Variants in FAM118B observed in about 807,000 individuals in gnomAD.
FAM118B encodes SIR2 antiphage like 1.
In FAM118B, 24 loss-of-function variants were observed where a neutral mutation model predicts 38.5. The observed-to-expected ratio is 0.62, with a 90% confidence interval of 0.45 to 0.88. FAM118B has a LOEUF of 0.88. Among genes scored for constraint, FAM118B ranks in the 40% least tolerant of loss-of-function variants. FAM118B has a pLI of 0.00. For missense variants in FAM118B, 334 were observed against 420.0 expected, an observed-to-expected ratio of 0.80 and a Z score of 1.79; for synonymous variants, 138 against 156.3, an observed-to-expected ratio of 0.88 and a Z score of 0.87.
chr11:126,228,188 A>G (rs1462676112), intron 1 of FAM118B, among the ~76,000 whole-genome samples: 1 of 151,660 alleles, frequency 6.6e-6, no homozygotes, highest in Non-Finnish European at 1.5e-5. Context: ...TGTATTTACT[A>G]AACATTTTTT....
At chr11:126,237,730 G>T (rs1489483041) in intron 3 of FAM118B, among the ~76,000 whole-genome samples, 2 of 145,946 alleles carry the variant, frequency 1.4e-5, no homozygotes, top group Non-Finnish European at 3.0e-5. Flanking sequence ...GGTGGCGCGT[G>T]CCTGTAATCC....
chr11:126,230,057 A>G (rs949141806), intron 2 of FAM118B, among the ~76,000 whole-genome samples: 2 of 152,222 alleles, frequency 1.3e-5, no homozygotes, highest in African/African-American at 4.8e-5. Flanking sequence ...TTAGGAGCCA[A>G]TCGAGTTCAC....
In FAM118B at chr11:126,253,871, TTG is replaced by T. The variant is rs1950538630; in HGVS notation, c.568-426_568-425del. The stretch of plus-strand genomic sequence containing the variant: ...GTGCCAACACTTTTCAAGCTTCTGC[TTG>T]TGTGTGTTTGCTAGTATCCCATTGG... On this transcript the variant is annotated intron_variant, in intron 5 of 8. Transcript: ENST00000533050. This position sits in a 1 kb window ranked among gnomAD's most constrained non-coding sequence, Gnocchi z 5.1. 6.6e-6 allele frequency among the ~76,000 whole-genome samples: 1 copy of T among 152,170 alleles called. No individual in the cohort carries two copies. Among genetic ancestry groups the T allele is most frequent in the Non-Finnish European group, 1.5e-5 (1 of 68,030 alleles).
At chr11:126,233,169 T>C (rs1387951015) in intron 2 of FAM118B, among the ~76,000 whole-genome samples, 1 of 152,168 alleles carries the variant, frequency 6.6e-6, no homozygotes, top group Non-Finnish European at 1.5e-5. Flanking sequence ...TTTTCAAGAA[T>C]ATATATACTT....
In FAM118B at chr11:126,219,072, T is replaced by C. The variant is rs1292252698; in HGVS notation, c.-77+7242T>C. ...GTATTTTCAGATCTGCATTTAAAGC[T>C]TGCTTTCCATCTCCAAAAATTCATT... is the stretch of plus-strand genomic sequence containing the variant. On this transcript the variant is annotated intron_variant, in intron 1 of 8. Transcript: ENST00000533050. Among the ~76,000 whole-genome samples the C allele has an allele frequency of 2.6e-5, 4 of 152,218 alleles. No homozygotes were observed. In the East Asian group the frequency reaches 7.7e-4, roughly 29 times the overall value.
chr11:126,216,331 G>A (rs772220871), intron 1 of FAM118B, among the ~76,000 whole-genome samples: 24 of 151,886 alleles, frequency 1.6e-4, no homozygotes, highest in Admixed American at 2.6e-4. Context: ...AGTCGAGGTC[G>A]CACCATTGCA....
intron 2 of FAM118B, among the ~76,000 whole-genome samples, chr11:126,230,453 T>TA (rs1487642468): frequency 6.6e-6 from 1 of 152,220 alleles, no homozygotes; most frequent in Non-Finnish European, 1.5e-5. Flanking sequence ...GAAATGAAGT[T>TA]AACCCTTTTC....
intron 2 of FAM118B, among the ~76,000 whole-genome samples, chr11:126,231,791 C>T (rs1373024063): frequency 3.3e-5 from 5 of 152,200 alleles, no homozygotes; most frequent in Non-Finnish European, 5.9e-5. Context: ...CCAGCAAAAA[C>T]GATCTTACGT....
chr11:126,236,611 A>G (rs1950277690), intron 3 of FAM118B, among the ~76,000 whole-genome samples: 2 of 152,330 alleles, frequency 1.3e-5, no homozygotes, highest in South Asian at 4.1e-4. Context: ...GCTGGCAACT[A>G]GTACCTTCAC....
At chr11:126,254,262 C>T (rs1028014331) in intron 5 of FAM118B, 43 bp from the exon 6 acceptor site, 37 of 1,598,764 alleles carry the variant, frequency 2.3e-5, no homozygotes, top group Non-Finnish European at 3.1e-5. Flanking sequence ...TAAACAGGTG[C>T]TCAGCCCTGC....
chr11:126,242,377 G>T (rs970635620), intron 4 of FAM118B, among the ~76,000 whole-genome samples: 1 of 152,082 alleles, frequency 6.6e-6, no homozygotes, highest in Non-Finnish European at 1.5e-5. Context: ...ACTGCTTGAG[G>T]GCATGAGTTC....
At chr11:126,223,950 A>C (rs1407834836) in intron 1 of FAM118B, among the ~76,000 whole-genome samples, 1 of 152,228 alleles carries the variant, frequency 6.6e-6, no homozygotes, top group African/African-American at 2.4e-5. Context: ...ATTTGTGTAC[A>C]CAGTTTTCCC....
chr11:126,214,503 G>GTTGTTTTTT (rs1949947804), intron 1 of FAM118B: 1 of 28,258 alleles, frequency 3.5e-5, no homozygotes, highest in Non-Finnish European at 7.5e-5. Flanking sequence ...TTTTTTTTTT[G>GTTGTTTTTT]TTTTTTTTTT....
At chr11:126,259,320 A>C (rs535012440) in intron 7 of FAM118B, among the ~76,000 whole-genome samples, 15 of 152,322 alleles carry the variant, frequency 9.8e-5, no homozygotes, top group Admixed American at 5.2e-4. Context: ...ATTGTCTTCA[A>C]AGGATTCTAT....
chr11:126,220,707 A>G (rs1264071666), intron 1 of FAM118B, among the ~76,000 whole-genome samples: 1 of 152,194 alleles, frequency 6.6e-6, no homozygotes, highest in Non-Finnish European at 1.5e-5. Context: ...TGTCTCAAAC[A>G]AAAAAGACTG....
intron 1 of FAM118B, among the ~76,000 whole-genome samples, chr11:126,223,239 G>A (rs535500947): frequency 1.2e-4 from 18 of 152,260 alleles, no homozygotes; most frequent in African/African-American, 4.3e-4. Flanking sequence ...TGAGGAGTAT[G>A]TTATTAAACA....
intron 1 of FAM118B, among the ~76,000 whole-genome samples, chr11:126,216,898 T>C (rs754509310): frequency 1.8e-4 from 27 of 152,260 alleles, no homozygotes; most frequent in Non-Finnish European, 2.8e-4. Context: ...ATTCATTTAT[T>C]TTCCAGCTTA....
At position 126,261,442 on chromosome 11, in the gene FAM118B, G is replaced by T; in HGVS notation, c.1000G>T (p.Gly334Cys). The T allele has an allele frequency of 6.2e-7, 1 of 1,613,950 alleles. No individual in the cohort carries two copies. Among genetic ancestry groups the T allele is most frequent in the Non-Finnish European group, 8.5e-7 (1 of 1,179,874 alleles). ...RGTSAGMVRE[G>C]QLNGSSAAHS... Reference sequence around the variant, plus strand: ...CTATTTAGCAGGGATGGTGAGAGAAGGTCAGCTAAATGGCTCATCTGCAGC... The same window carrying T: ...CTATTTAGCAGGGATGGTGAGAGAATGTCAGCTAAATGGCTCATCTGCAGC... Residue 334 changes from glycine to cysteine, a missense_variant, in exon 8 of 9, where the codon GGT (glycine) becomes TGT (cysteine). Transcript: ENST00000533050.
At chr11:126,231,630 C>G (rs545339392) in intron 2 of FAM118B, among the ~76,000 whole-genome samples, 1 of 152,256 alleles carries the variant, frequency 6.6e-6, no homozygotes, top group Non-Finnish European at 1.5e-5. Flanking sequence ...CCTAAACATT[C>G]TCAGTCAGAA....
Sources: allele counts gnomAD v4.1 joint callset (sites outside exome capture counted in the v4.1 genomes callset), GRCh38; gene constraint gnomAD v4.1.1; non-coding constraint Gnocchi (gnomAD v3.1); transcripts MANE v1.5; gene names NCBI Gene and HGNC (gene_info 2026-07-23, HGNC 2026-07-21).